The following TRAPPC9 variants were observed in gnomAD, a reference collection of about 807,000 sequenced individuals.
TRAPPC9 encodes trafficking protein particle complex subunit 9, also known as IKK2 binding protein.
TRAPPC9 carries 83 observed loss-of-function variants against 124.0 expected under a neutral mutation model. The observed-to-expected ratio is 0.67, with a 90% CI of 0.56 to 0.80. The LOEUF is 0.80. TRAPPC9 is among the 30% of genes least tolerant of loss of function. The pLI, the probability that TRAPPC9 is intolerant of heterozygous loss-of-function variation, is 0.00. For synonymous variants in TRAPPC9, 638 were observed against 617.5 expected (o/e 1.03, Z -0.49); for missense variants, 1,302 against 1,508.3 (o/e 0.86, Z 2.27).
At chr8:140,156,916 G>T (rs2061640826) in intron 17 of TRAPPC9, among the ~76,000 whole-genome samples, 1 of 151,916 alleles carries the variant, frequency 6.6e-6, no homozygotes. Context: ...CTATTGTGCT[G>T]CAGGAAACAT....
chr8:139,768,196 A>G (rs1820711210), intron 21 of TRAPPC9, among the ~76,000 whole-genome samples: 1 of 152,250 alleles, frequency 6.6e-6, no homozygotes, highest in African/African-American at 2.4e-5. Context: ...TTGGCATGGA[A>G]CATATTAAGT....
intron 17 of TRAPPC9, among the ~76,000 whole-genome samples, chr8:140,057,380 T>C (rs1010523093): frequency 6.6e-6 from 1 of 152,250 alleles, no homozygotes; most frequent in Non-Finnish European, 1.5e-5. Flanking sequence ...GAGAGATATG[T>C]ACACTTCCAC....
intron 19 of TRAPPC9, among the ~76,000 whole-genome samples, chr8:139,983,847 A>C (rs1229214953): frequency 1.3e-5 from 2 of 152,190 alleles, no homozygotes; most frequent in Non-Finnish European, 2.9e-5. Context: ...CAGAGCCTGG[A>C]TGTCAGACAG....
At chr8:140,427,677 T>C (rs952216256) in intron 4 of TRAPPC9, among the ~76,000 whole-genome samples, 9 of 152,150 alleles carry the variant, frequency 5.9e-5, no homozygotes, top group Non-Finnish European at 1.2e-4. Context: ...TTTTTAAACA[T>C]GTTAAGAAGA....
chr8:139,820,624 T>G (rs984107218), intron 21 of TRAPPC9, among the ~76,000 whole-genome samples: 2 of 152,210 alleles, frequency 1.3e-5, no homozygotes, highest in African/African-American at 4.8e-5. Context: ...CATAAAGAAA[T>G]GTGAGAAAGA....
chr8:140,130,000 G>A (rs965305169), intron 17 of TRAPPC9, among the ~76,000 whole-genome samples: 1 of 152,220 alleles, frequency 6.6e-6, no homozygotes, highest in Non-Finnish European at 1.5e-5. Flanking sequence ...CTGATTGCAG[G>A]GCTGGAGCAG....
At chr8:140,113,103 G>A (rs2130524814) in intron 17 of TRAPPC9, among the ~76,000 whole-genome samples, 1 of 152,326 alleles carries the variant, frequency 6.6e-6, no homozygotes, top group East Asian at 1.9e-4. Context: ...TCAGGGGTTG[G>A]AAATATGTCT....
intron 21 of TRAPPC9, among the ~76,000 whole-genome samples, chr8:139,786,004 C>T (rs1203766508): frequency 1.3e-5 from 2 of 151,954 alleles, no homozygotes; most frequent in African/African-American, 4.8e-5. Context: ...GTCAGGAGTT[C>T]GAGACCAGCC....
At chr8:139,877,672 C>G (rs1829409301) in intron 21 of TRAPPC9, among the ~76,000 whole-genome samples, 1 of 152,156 alleles carries the variant, frequency 6.6e-6, no homozygotes, top group Non-Finnish European at 1.5e-5. Context: ...CATCAGCACC[C>G]ACAGCACAGC....
intron 19 of TRAPPC9, among the ~76,000 whole-genome samples, chr8:139,926,468 C>T (rs751171228): frequency 9.2e-5 from 14 of 152,020 alleles, no homozygotes; most frequent in Non-Finnish European, 1.3e-4. Context: ...TTAAAGCAGC[C>T]GCTATAACCA....
At chr8:140,294,826 G>C (rs111416538) in intron 11 of TRAPPC9, among the ~76,000 whole-genome samples, 5,018 of 152,104 alleles carry the variant, frequency 0.033, 276 homozygotes, top group African/African-American at 0.11. Flanking sequence ...GGCCAGGCTA[G>C]TCTCGAACTC....
intron 21 of TRAPPC9, among the ~76,000 whole-genome samples, chr8:139,861,865 C>T (rs938001075): frequency 6.6e-6 from 1 of 151,994 alleles, no homozygotes; most frequent in Non-Finnish European, 1.5e-5. Flanking sequence ...GGGTCTTCAC[C>T]GAGAGCCTGG....
intron 5 of TRAPPC9, among the ~76,000 whole-genome samples, chr8:140,410,015 CTG>C: frequency 6.6e-6 from 1 of 152,078 alleles, no homozygotes; most frequent in African/African-American, 2.4e-5. Flanking sequence ...TGGCACACGC[CTG>C]TGATTCCCAG....
At chr8:139,852,443 G>A (rs534400794) in intron 21 of TRAPPC9, among the ~76,000 whole-genome samples, 109 of 152,244 alleles carry the variant, frequency 7.2e-4, no homozygotes, top group African/African-American at 2.2e-3. Flanking sequence ...GCTCCTCACC[G>A]AGTGCCAGAT....
chr8:139,743,358 C>G (rs1818684221), intron 21 of TRAPPC9, among the ~76,000 whole-genome samples: 1 of 152,210 alleles, frequency 6.6e-6, no homozygotes, highest in Non-Finnish European at 1.5e-5. Context: ...ACTAAGTAGA[C>G]TTCAGTTGCA....
At chr8:140,342,205 G>A (rs570265915) in intron 9 of TRAPPC9, among the ~76,000 whole-genome samples, 1 of 152,178 alleles carries the variant, frequency 6.6e-6, no homozygotes, top group Admixed American at 6.5e-5. Flanking sequence ...CTGGAGCCAC[G>A]TTGTCCCACA....
At position 139,816,936 on chromosome 8, in the gene TRAPPC9, TC is replaced by T. The variant is rs549765456; in HGVS notation, c.3055+68942del. 9.9e-5 allele frequency among the ~76,000 whole-genome samples: 15 copies of T among 152,214 alleles called. No individual in the cohort carries two copies. In the East Asian group the frequency reaches 2.7e-3, roughly 28 times the overall value. Reference sequence around the variant, plus strand: ...CATTTAATAACCATCTTCTTCTTTTTCTCCTTTTGCTCCAGATGATATGCAT... The same window carrying T: ...CATTTAATAACCATCTTCTTCTTTTTTCCTTTTGCTCCAGATGATATGCAT... On this transcript the variant is annotated intron_variant, in intron 21 of 22. Transcript: ENST00000438773.
chr8:140,113,275 T>C lies in TRAPPC9; in HGVS notation c.2557-89196A>G, dbSNP rs1452028874. On this transcript the variant is annotated intron_variant, in intron 17 of 22. Transcript: ENST00000438773. Reference sequence around the variant, plus strand: ...ACAAGCAGCGCCATCCCAGGCAGCATGTGCTGCATCATGGGGAGGCTGAAG... The same window carrying C: ...ACAAGCAGCGCCATCCCAGGCAGCACGTGCTGCATCATGGGGAGGCTGAAG... Among the ~76,000 whole-genome samples the C allele has an allele frequency of 3.3e-5, 5 of 152,248 alleles. No individual in the cohort carries two copies. The East Asian group carries it at 9.6e-4, about 29-fold the overall frequency.
At chr8:139,741,196 G>C (rs943430379) in intron 21 of TRAPPC9, among the ~76,000 whole-genome samples, 2 of 152,158 alleles carry the variant, frequency 1.3e-5, no homozygotes, top group African/African-American at 4.8e-5. Context: ...CCCCCCGGGC[G>C]TGATGCCCCC....
Sources: gnomAD v4.1 joint callset for allele counts (sites outside exome capture counted in the v4.1 genomes callset) on GRCh38, gnomAD v4.1.1 for gene constraint, MANE v1.5 for transcripts, NCBI Gene and HGNC (gene_info 2026-07-23, HGNC 2026-07-21) for gene names.